Variants in STRN3 observed in about 807,000 individuals in gnomAD.
STRN3 encodes striatin 3, also known as striatin-3.
Under a neutral mutation model 95.6 loss-of-function variants are expected in STRN3, and 29 were observed. The observed-to-expected ratio is 0.30, with a 90% CI of 0.23 to 0.41. STRN3 has a LOEUF of 0.41. Among genes scored for constraint, STRN3 ranks in the 10% least tolerant of loss-of-function variants. STRN3 has a pLI of 1.00. For missense variants in STRN3, 890 were observed against 972.1 expected (o/e 0.92, Z 1.12); for synonymous variants, 331 against 357.6 (o/e 0.93, Z 0.84).
chr14:30,901,541 T>A (rs1594409541), intron 16 of STRN3, among the ~76,000 whole-genome samples: 1 of 152,340 alleles, frequency 6.6e-6, no homozygotes, highest in East Asian at 1.9e-4. Context: ...CCTGTAACAA[T>A]GTTGCAATTA....
chr14:31,015,875 C>T (rs988337401), intron 1 of STRN3, among the ~76,000 whole-genome samples: 10 of 152,210 alleles, frequency 6.6e-5, no homozygotes, highest in Non-Finnish European at 1.2e-4. Flanking sequence ...CATGGATCAC[C>T]GTAGCCACAA....
chr14:31,013,848 G>T (rs1883087485), intron 1 of STRN3, among the ~76,000 whole-genome samples: 1 of 134,342 alleles, frequency 7.4e-6, no homozygotes, highest in African/African-American at 3.0e-5. Flanking sequence ...TCCTGCCTTG[G>T]CTTCTCAAAG....
intron 1 of STRN3, among the ~76,000 whole-genome samples, chr14:30,965,262 AAAG>A (rs1368873555): frequency 6.6e-6 from 1 of 152,320 alleles, no homozygotes; most frequent in South Asian, 2.1e-4. Context: ...AATTAGTTCT[AAAG>A]AAGACAGCAG....
At chr14:31,005,578 T>C (rs1882676316) in intron 1 of STRN3, among the ~76,000 whole-genome samples, 1 of 152,212 alleles carries the variant, frequency 6.6e-6, no homozygotes, top group Admixed American at 6.6e-5. Context: ...GGTCTCGAGT[T>C]TTTAGTTTCT....
intron 16 of STRN3, among the ~76,000 whole-genome samples, chr14:30,899,197 A>G (rs1173272855): frequency 6.6e-6 from 1 of 152,204 alleles, no homozygotes; most frequent in East Asian, 1.9e-4. Context: ...AGCTGATACA[A>G]GATCTTCCTC....
chr14:30,913,353 T>A (rs1478305721), intron 10 of STRN3, among the ~76,000 whole-genome samples, 171 bp downstream of exon 10: 1 of 152,082 alleles, frequency 6.6e-6, no homozygotes, highest in East Asian at 1.9e-4. Context: ...AAAATTTAAA[T>A]ACCACAAAGA....
chr14:30,954,033 C>G (rs1274431808), intron 3 of STRN3, among the ~76,000 whole-genome samples: 1 of 152,204 alleles, frequency 6.6e-6, no homozygotes, highest in Non-Finnish European at 1.5e-5. Flanking sequence ...ATTCTAGTTA[C>G]TCCACATCCT....
At position 30,895,077 on chromosome 14, in the gene STRN3, A is replaced by AAAAAAAAAAAAAAAAAAAAAAAAAG. The variant is rs1896101873; in HGVS notation, c.*333_*334insCTTTTTTTTTTTTTTTTTTTTTTTT. The stretch of plus-strand genomic sequence containing the variant: ...CCAAAAAAAAAAAAAAAAAAAAAAA[A>AAAAAAAAAAAAAAAAAAAAAAAAAG]AAGAAGAAGAAGAAGAGAAAAAAAA... On this transcript the variant is annotated 3_prime_UTR_variant, in exon 18 of 18. Coordinates refer to ENST00000357479, the MANE Select transcript of STRN3 (RefSeq NM_001083893.2). The AAAAAAAAAAAAAAAAAAAAAAAAAG allele has an allele frequency of 5.4e-6, 1 of 184,232 alleles. No individual in the cohort carries two copies. Among genetic ancestry groups the AAAAAAAAAAAAAAAAAAAAAAAAAG allele is most frequent in the South Asian group, 1.5e-4 (1 of 6,544 alleles). The allele number at this position is 184,232 out of a possible 1,614,324, so 11.4% of individuals were successfully genotyped here. A position where few individuals can be genotyped will look rare whatever the true frequency, so the allele number is the denominator to read the frequency against.
intron 1 of STRN3, among the ~76,000 whole-genome samples, chr14:30,974,985 A>G (rs950842099): frequency 1.3e-5 from 2 of 151,258 alleles, no homozygotes; most frequent in Admixed American, 6.6e-5. Context: ...TGCCTACACT[A>G]TGAGGTGCCT....
At chr14:30,919,188 CA>C in intron 8 of STRN3, 82 bp from the exon 9 acceptor site, 1 of 1,345,314 alleles carries the variant, frequency 7.4e-7, no homozygotes, top group Non-Finnish European at 9.8e-7. Context: ...AATTTATTAA[CA>C]AAACAGACTA....
intron 3 of STRN3, among the ~76,000 whole-genome samples, chr14:30,953,659 T>C (rs1366799814): frequency 1.3e-5 from 2 of 152,212 alleles, no homozygotes; most frequent in African/African-American, 2.4e-5. Context: ...AGACAGGGTC[T>C]CACTTTGTCA....
At chr14:31,020,248 T>C (rs544866557) in intron 1 of STRN3, among the ~76,000 whole-genome samples, 22 of 152,032 alleles carry the variant, frequency 1.4e-4, no homozygotes, top group South Asian at 6.2e-4. Flanking sequence ...CCTGTAATCC[T>C]AGCACTTTGG....
intron 8 of STRN3, among the ~76,000 whole-genome samples, chr14:30,923,959 A>G (rs545965161): frequency 6.6e-6 from 1 of 152,166 alleles, no homozygotes; most frequent in East Asian, 1.9e-4. Flanking sequence ...GAGACCTTAA[A>G]AAGTTAGAAA....
At chr14:30,979,572 G>T (rs1881284705) in intron 1 of STRN3, among the ~76,000 whole-genome samples, 2 of 152,056 alleles carry the variant, frequency 1.3e-5, no homozygotes, top group Admixed American at 6.6e-5. Context: ...AGGAAAAGGT[G>T]TTCGTTGATT....
intron 1 of STRN3, chr14:31,014,744 T>C (rs1883158540): frequency 2.2e-6 from 1 of 446,218 alleles, no homozygotes; most frequent in South Asian, 1.7e-5. Context: ...AACAGCATTA[T>C]ATATTGGTCA....
At position 30,935,978 on chromosome 14, in the gene STRN3, A is replaced by C. The variant is rs555254650; in HGVS notation, c.846+517T>G. Among the ~76,000 whole-genome samples, 9 of 152,318 alleles carry C rather than the reference A, an allele frequency of 5.9e-5. No homozygotes were observed. The East Asian group carries it at 9.6e-4, about 16-fold the overall frequency. ...TTGGTAATCCACGAATGGACGATCAACTCTACTTTGGCTTCTACAGCAAGC... is the reference window on the plus strand; with the variant it reads ...TTGGTAATCCACGAATGGACGATCACCTCTACTTTGGCTTCTACAGCAAGC... On this transcript the variant is annotated intron_variant, in intron 6 of 17. Coordinates refer to ENST00000357479, the MANE Select transcript of STRN3 (RefSeq NM_001083893.2).
At chr14:30,960,807 T>C (rs149975989) in intron 1 of STRN3, among the ~76,000 whole-genome samples, 15,277 of 141,992 alleles carry the variant, frequency 0.11, 1,302 homozygotes, top group East Asian at 0.22. Flanking sequence ...AGGCGGAGCT[T>C]GCAGTGAGCT....
At chr14:30,906,784 G>T in intron 14 of STRN3, 93 bp downstream of exon 14, 1 of 1,264,908 alleles carries the variant, frequency 7.9e-7, no homozygotes, top group Non-Finnish European at 1.1e-6. Flanking sequence ...TATCTCTTTG[G>T]AACAGTAAAG....
Position 30,935,190 on chromosome 14 carries a change from G to A in STRN3, c.961C>T (p.Arg321Trp), listed in dbSNP as rs759655068. 1.9e-6 allele frequency: 3 copies of A among 1,613,956 alleles called. No individual in the cohort carries two copies. Among genetic ancestry groups the A allele is most frequent in the Non-Finnish European group, 2.5e-6 (3 of 1,179,966 alleles). The change falls in exon 7 of 18, where the codon CGG (arginine) becomes TGG (tryptophan). Residue 321 changes from arginine to tryptophan, a missense_variant. Transcript: ENST00000357479. ...AEDGEGAGEARSSGDGTEWDK... is the reference protein window; with the variant it reads ...AEDGEGAGEAWSSGDGTEWDK... ...CATTCTGTGCCATCCCCCGAACTCC[G>A]TGCTTCTCCAGCTCCTTCACCATCT... is the stretch of plus-strand genomic sequence containing the variant.
Sources: allele counts gnomAD v4.1 joint callset (sites outside exome capture counted in the v4.1 genomes callset), GRCh38; gene constraint gnomAD v4.1.1; transcripts MANE v1.5; gene names NCBI Gene and HGNC (gene_info 2026-07-23, HGNC 2026-07-21).